The following PDZK1 variants were observed in gnomAD, a reference collection of about 807,000 sequenced individuals.
The protein encoded by PDZK1 is Na(+)/H(+) exchange regulatory cofactor NHE-RF3.
In PDZK1, 23 loss-of-function variants were observed where a neutral mutation model predicts 38.1. That is an observed-to-expected ratio of 0.60 (90% CI 0.43 to 0.85). The LOEUF is 0.85. Among genes scored for constraint, PDZK1 ranks in the 40% least tolerant of loss-of-function variants. The pLI, the probability that PDZK1 is intolerant of heterozygous loss-of-function variation, is 0.00. For missense variants in PDZK1, 297 were observed against 504.3 expected (o/e 0.59, Z 3.94); for synonymous variants, 98 against 186.2 (o/e 0.53, Z 3.86).
intron 5 of PDZK1, among the ~76,000 whole-genome samples, chr1:145,679,746 C>T (rs1257760596): frequency 2.0e-5 from 3 of 152,164 alleles, no homozygotes; most frequent in African/African-American, 7.2e-5. Flanking sequence ...GCAAAGCCCC[C>T]AAGACATTAT....
intron 6 of PDZK1, among the ~76,000 whole-genome samples, chr1:145,677,124 G>T (rs587743183): frequency 5.3e-5 from 8 of 152,320 alleles, no homozygotes; most frequent in African/African-American, 1.9e-4. Context: ...TAGAAGCCAA[G>T]TGTCTGTCAG....
At chr1:145,702,765 C>T (rs940430017) in intron 1 of PDZK1, among the ~76,000 whole-genome samples, 31 of 152,146 alleles carry the variant, frequency 2.0e-4, no homozygotes, top group Non-Finnish European at 3.7e-4. Flanking sequence ...TGGTGGCGGA[C>T]GCCTGTAGTC....
chr1:145,683,787 T>C (rs1654487896), intron 3 of PDZK1, among the ~76,000 whole-genome samples: 1 of 152,002 alleles, frequency 6.6e-6, no homozygotes, highest in African/African-American at 2.4e-5. Flanking sequence ...CAGCATACAG[T>C]ATTTTTTCTT....
chr1:145,688,026 G>T lies in PDZK1; in HGVS notation c.-2-3C>A, dbSNP rs782459425. The stretch of plus-strand genomic sequence containing the variant: ...GGGGTTGAAGGTGGAGGTCATTTCT[G>T]TGATGAAAAAAATAAATTAATAAAA... On this transcript the variant is annotated splice_region_variant and splice_polypyrimidine_tract_variant and intron_variant, in intron 1 of 8. Coordinates refer to ENST00000417171, the MANE Select transcript of PDZK1 (RefSeq NM_001201325.2). 1 of 1,609,980 alleles carries T rather than the reference G, an allele frequency of 6.2e-7. No individual in the cohort carries two copies. Among genetic ancestry groups the T allele is most frequent in the Non-Finnish European group, 8.5e-7 (1 of 1,176,790 alleles).
At chr1:145,672,120 T>A (rs1653128197) in intron 8 of PDZK1, among the ~76,000 whole-genome samples, 1 of 152,300 alleles carries the variant, frequency 6.6e-6, no homozygotes, top group African/African-American at 2.4e-5. Flanking sequence ...GGCAAAAATA[T>A]AAAACTGAGA....
In PDZK1 at chr1:145,693,083, CT is replaced by C. The variant is rs1455536236; in HGVS notation, c.-2-5061del. Among the ~76,000 whole-genome samples the C allele has an allele frequency of 2.0e-4, 30 of 152,248 alleles. 1 individual carries two copies. The Middle Eastern group carries it at 0.014, about 69-fold the overall frequency. On this transcript the variant is annotated intron_variant, in intron 1 of 8. Coordinates refer to ENST00000417171, the MANE Select transcript of PDZK1 (RefSeq NM_001201325.2). ...AACATGGGCCAGGGGTAAGTAAATT[CT>C]TCTTCTGAAGAAGGAAAATAAATGG...
At position 145,688,013 on chromosome 1, in the gene PDZK1, G is replaced by A. The variant is rs1654944297; in HGVS notation, c.9C>T (p.Ser3=). Residue 3 remains serine (S), a synonymous_variant, in exon 2 of 9, where the codon TCC becomes TCT. Transcript: ENST00000417171. MT[S]TFNPRECKLS... is the part of the protein sequence containing the mutation. ...GTTTACATTCTCGGGGGTTGAAGGT[G>A]GAGGTCATTTCTGTGATGAAAAAAA... is the stretch of plus-strand genomic sequence containing the variant. 1.9e-6 allele frequency: 3 copies of A among 1,612,612 alleles called. No individual in the cohort carries two copies. The highest frequency in any genetic ancestry group is 1.6e-4 in the Middle Eastern group (1 of 6,076).
At chr1:145,703,642 G>A (rs587702440) in intron 1 of PDZK1, among the ~76,000 whole-genome samples, 174 of 152,188 alleles carry the variant, frequency 1.1e-3, no homozygotes, top group African/African-American at 4.1e-3. Context: ...ACTAGGAAGA[G>A]GAAGTCATCC....
intron 2 of PDZK1, among the ~76,000 whole-genome samples, 199 bp downstream of exon 2, chr1:145,687,613 C>G (rs1332581162): frequency 6.6e-6 from 1 of 151,722 alleles, no homozygotes; most frequent in African/African-American, 2.4e-5. Flanking sequence ...CTATTCAAAT[C>G]CAAGAGTAAT....
chr1:145,693,486 G>C (rs1253059650), intron 1 of PDZK1, among the ~76,000 whole-genome samples: 1 of 151,908 alleles, frequency 6.6e-6, no homozygotes, highest in Non-Finnish European at 1.5e-5. Flanking sequence ...ATCACCCTAG[G>C]TGCCGGGCGC....
intron 6 of PDZK1, among the ~76,000 whole-genome samples, chr1:145,676,506 CGG>C (rs1209210596): frequency 6.6e-6 from 1 of 150,798 alleles, no homozygotes; most frequent in Non-Finnish European, 1.5e-5. Flanking sequence ...GAGGCCGAGG[CGG>C]GCGGATCACA....
At chr1:145,697,046 G>A (rs587702862) in intron 1 of PDZK1, among the ~76,000 whole-genome samples, 1 of 152,280 alleles carries the variant, frequency 6.6e-6, no homozygotes, top group Admixed American at 6.5e-5. Context: ...ACAAAAAGGA[G>A]GCTGGATGCG....
At chr1:145,689,398 T>C (rs2101909332) in intron 1 of PDZK1, among the ~76,000 whole-genome samples, 1 of 152,244 alleles carries the variant, frequency 6.6e-6, no homozygotes, top group South Asian at 2.1e-4. Context: ...TCTATTTCCA[T>C]TCATCCTGCC....
At chr1:145,690,089 T>C in intron 1 of PDZK1, among the ~76,000 whole-genome samples, 1 of 152,194 alleles carries the variant, frequency 6.6e-6, no homozygotes, top group Admixed American at 6.5e-5. Context: ...GCTAGGCAGC[T>C]CTGCCTTATC....
chr1:145,677,934 A>C (rs1278065326), intron 6 of PDZK1, among the ~76,000 whole-genome samples: 1 of 149,826 alleles, frequency 6.7e-6, no homozygotes, highest in Non-Finnish European at 1.5e-5. Flanking sequence ...AAAAAAAAAA[A>C]AAAAACCTTA....
chr1:145,687,190 T>C (rs1654853326), intron 2 of PDZK1, among the ~76,000 whole-genome samples: 1 of 151,912 alleles, frequency 6.6e-6, no homozygotes, highest in Non-Finnish European at 1.5e-5. Context: ...ACATATACCT[T>C]ATGAGGTCAT....
At chr1:145,672,687 C>T (rs1553698196) in intron 8 of PDZK1, 43 bp downstream of exon 8, 1 of 1,610,016 alleles carries the variant, frequency 6.2e-7, no homozygotes. Context: ...TGTACCCATA[C>T]TCTAGTAAAT....
chr1:145,677,019 A>G (rs1257594871), intron 6 of PDZK1, among the ~76,000 whole-genome samples: 1 of 152,132 alleles, frequency 6.6e-6, no homozygotes, highest in Non-Finnish European at 1.5e-5. Flanking sequence ...CTCTCTTACA[A>G]CTAAGGAAAC....
At position 145,682,935 on chromosome 1, in the gene PDZK1, C is replaced by A. The variant is rs201657100; in HGVS notation, c.461-299G>T. Reference sequence around the variant, plus strand: ...TGGGTCTGGGGAGTAACACAGAGATCTACATGTTTTGTGGCTGTCCAAGAC... The same window carrying A: ...TGGGTCTGGGGAGTAACACAGAGATATACATGTTTTGTGGCTGTCCAAGAC... On this transcript the variant is annotated intron_variant, in intron 3 of 8. Coordinates refer to ENST00000417171, the MANE Select transcript of PDZK1 (RefSeq NM_001201325.2). Among the ~76,000 whole-genome samples, 131 of 152,272 alleles carry A rather than the reference C, an allele frequency of 8.6e-4. 2 individuals are homozygous for A. The East Asian group carries it at 0.024, about 28-fold the overall frequency.
Sources: allele counts gnomAD v4.1 joint callset (sites outside exome capture counted in the v4.1 genomes callset), GRCh38; gene constraint gnomAD v4.1.1; transcripts MANE v1.5; gene names NCBI Gene and HGNC (gene_info 2026-07-23, HGNC 2026-07-21).